MTMR6: variants seen among roughly 807,000 people sequenced by gnomAD.
The protein encoded by MTMR6 is myotubularin related protein 6, also known as phosphatidylinositol-3,5-bisphosphate 3-phosphatase MTMR6.
In MTMR6, 47 loss-of-function variants were observed where a neutral mutation model predicts 80.1. The ratio of observed to expected loss-of-function variants is 0.59; its 90% CI spans 0.46 to 0.75. The LOEUF is 0.75. Ranked by LOEUF, MTMR6 falls within the 30% of genes least tolerant of loss-of-function variation. The pLI is 0.00. For missense variants in MTMR6, 629 were observed against 730.9 expected, an observed-to-expected ratio of 0.86 and a Z score of 1.61; for synonymous variants, 254 against 253.0, an observed-to-expected ratio of 1.00 and a Z score of -0.04.
chr13:25,258,455 C>A, intron 7 of MTMR6, 105 bp downstream of exon 7: 2 of 917,264 alleles, frequency 2.2e-6, no homozygotes, highest in Non-Finnish European at 3.1e-6. Flanking sequence ...TCACTTGTTT[C>A]TTTTTACTTT....
intron 1 of MTMR6, among the ~76,000 whole-genome samples, chr13:25,277,098 C>T (rs889919519): frequency 1.3e-5 from 2 of 152,180 alleles, no homozygotes; most frequent in Admixed American, 1.3e-4. Context: ...CTGATTTCCC[C>T]TCTCACCCCT....
intron 5 of MTMR6, among the ~76,000 whole-genome samples, chr13:25,264,148 C>A (rs4770814): frequency 1.3e-5 from 2 of 152,072 alleles, no homozygotes; most frequent in African/African-American, 4.8e-5. Flanking sequence ...AATAGAAAAC[C>A]ATCTTTAAAA....
chr13:25,261,684 A>G lies in MTMR6; in HGVS notation c.710T>C (p.Met237Thr), dbSNP rs747320057. The G allele has an allele frequency of 6.2e-7, 1 of 1,611,658 alleles. No homozygotes were observed. The highest frequency in any genetic ancestry group is 8.5e-7 in the Non-Finnish European group (1 of 1,178,678). Reference sequence around the variant, plus strand: ...AATACATACTTTTGGCCTGGTATCCATGACGTACATATAGCGATTGACTGG... The same window carrying G: ...AATACATACTTTTGGCCTGGTATCCGTGACGTACATATAGCGATTGACTGG... ...ANPVNRYMYV[M>T]DTRPKLNAMA... Residue 237 changes from methionine to threonine, a missense_variant, in exon 6 of 14, where the codon ATG becomes ACG. Transcript: ENST00000381801.
At chr13:25,254,030 A>C in intron 10 of MTMR6, 66 bp from the exon 11 acceptor site, 2 of 1,466,446 alleles carry the variant, frequency 1.4e-6, no homozygotes, top group South Asian at 1.2e-5. Context: ...AGGTATTGTT[A>C]ATCTTAAACA....
At chr13:25,253,718 G>C (rs373745679) in intron 11 of MTMR6, 46 bp downstream of exon 11, 2 of 1,519,372 alleles carry the variant, frequency 1.3e-6, no homozygotes, top group African/African-American at 1.4e-5. Flanking sequence ...GTTAGACCTC[G>C]GCTAAGTAGG....
chr13:25,269,144 T>G (rs1957514363), intron 2 of MTMR6, among the ~76,000 whole-genome samples: 1 of 152,090 alleles, frequency 6.6e-6, no homozygotes, highest in South Asian at 2.1e-4. Context: ...CTGAGGACCT[T>G]GGGGGTGGCA....
chr13:25,279,609 A>G (rs928320680), intron 1 of MTMR6, among the ~76,000 whole-genome samples: 1 of 152,238 alleles, frequency 6.6e-6, no homozygotes, highest in African/African-American at 2.4e-5. Context: ...ACAGTCCTCT[A>G]TGTCAAGCTA....
At chr13:25,285,704 T>C (rs1957942832) in intron 1 of MTMR6, among the ~76,000 whole-genome samples, 1 of 152,080 alleles carries the variant, frequency 6.6e-6, no homozygotes, top group Non-Finnish European at 1.5e-5. Context: ...CGGCTAATTT[T>C]TGTATTTTTA....
rs777495032 is a variant in MTMR6 at position 25,251,628 on chromosome 13, T to C, written c.1605+21A>G. ...AACTAATTTCACATTCCAAATATAT[T>C]AGATACTTCAGAATACTTACAGATT... On this transcript the variant is annotated intron_variant, in intron 13 of 13. Coordinates refer to ENST00000381801, the MANE Select transcript of MTMR6 (RefSeq NM_004685.5). The surrounding 1 kb of genome is among the most constrained non-coding windows in gnomAD (Gnocchi z 4.1). 19 of 1,450,392 alleles carry C rather than the reference T, an allele frequency of 1.3e-5. No individual in the cohort carries two copies. The East Asian group carries it at 3.0e-4, about 23-fold the overall frequency. 89.8% of individuals were successfully genotyped at this position (1,450,392 alleles called of 1,614,324 possible).
At chr13:25,278,159 A>C (rs942376217) in intron 1 of MTMR6, among the ~76,000 whole-genome samples, 1 of 152,132 alleles carries the variant, frequency 6.6e-6, no homozygotes, top group Non-Finnish European at 1.5e-5. Flanking sequence ...TTTAACTCCA[A>C]ATTAATTCCT....
At chr13:25,282,130 T>C (rs1466318627) in intron 1 of MTMR6, among the ~76,000 whole-genome samples, 1 of 152,090 alleles carries the variant, frequency 6.6e-6, no homozygotes, top group Non-Finnish European at 1.5e-5. Flanking sequence ...CAAAGGGTTT[T>C]TGCCCCTGTT....
At chr13:25,257,003 G>A (rs1357026074) in intron 9 of MTMR6, among the ~76,000 whole-genome samples, 193 bp downstream of exon 9, 1 of 152,146 alleles carries the variant, frequency 6.6e-6, no homozygotes, top group Non-Finnish European at 1.5e-5. Flanking sequence ...TCTTTGCTGT[G>A]AGGCTGACCC....
chr13:25,277,634 T>C (rs1593156857), intron 1 of MTMR6, among the ~76,000 whole-genome samples: 2 of 152,228 alleles, frequency 1.3e-5, no homozygotes, highest in African/African-American at 4.8e-5. Context: ...GAACAGTAGG[T>C]ATTCATTCAG....
At chr13:25,281,315 T>A (rs1217176469) in intron 1 of MTMR6, among the ~76,000 whole-genome samples, 3 of 148,712 alleles carry the variant, frequency 2.0e-5, no homozygotes, top group African/African-American at 7.5e-5. Context: ...CCAGCCTAGG[T>A]GACAGAGCAA....
At chr13:25,263,566 C>T (rs1957385660) in intron 5 of MTMR6, among the ~76,000 whole-genome samples, 1 of 152,182 alleles carries the variant, frequency 6.6e-6, no homozygotes, top group African/African-American at 2.4e-5. Context: ...GAGGTTTGTT[C>T]TTTAAGGAAA....
chr13:25,269,058 C>T (rs1463685456), intron 2 of MTMR6, among the ~76,000 whole-genome samples: 1 of 152,158 alleles, frequency 6.6e-6, no homozygotes, highest in Non-Finnish European at 1.5e-5. Flanking sequence ...GACACACCAG[C>T]CCCTAGCTGC....
chr13:25,264,370 G>C (rs1418191101), intron 5 of MTMR6, among the ~76,000 whole-genome samples: 1 of 151,970 alleles, frequency 6.6e-6, no homozygotes, highest in Non-Finnish European at 1.5e-5. Context: ...AAAATTAATA[G>C]AACAGAGGAA....
At chr13:25,277,913 C>T (rs1169934552) in intron 1 of MTMR6, among the ~76,000 whole-genome samples, 2 of 152,122 alleles carry the variant, frequency 1.3e-5, no homozygotes, top group Non-Finnish European at 2.9e-5. Context: ...TTCCTGACTC[C>T]CCTTAGTTTT....
At chr13:25,269,023 G>C (rs554595329) in intron 2 of MTMR6, among the ~76,000 whole-genome samples, 1 of 152,326 alleles carries the variant, frequency 6.6e-6, no homozygotes, top group South Asian at 2.1e-4. Flanking sequence ...ATCTAGCTGG[G>C]TGTGCATGTG....
Sources: gnomAD v4.1 joint callset for allele counts (sites outside exome capture counted in the v4.1 genomes callset) on GRCh38, gnomAD v4.1.1 for gene constraint, Gnocchi (gnomAD v3.1) non-coding constraint, MANE v1.5 for transcripts, NCBI Gene and HGNC (gene_info 2026-07-23, HGNC 2026-07-21) for gene names.